COL6A3: variants seen among roughly 807,000 people sequenced by gnomAD.
COL6A3 encodes the protein collagen alpha-3(VI) chain.
Under a neutral mutation model 274.1 loss-of-function variants are expected in COL6A3, and 137 were observed. The ratio of observed to expected loss-of-function variants is 0.50; its 90% confidence interval spans 0.44 to 0.58. COL6A3 has a LOEUF of 0.58. Among genes scored for constraint, COL6A3 ranks in the 20% least tolerant of loss-of-function variants. The probability of loss-of-function intolerance (pLI) is 0.00; values close to 1 mark genes in which losing one functional copy is unlikely to be tolerated. For missense variants in COL6A3, 3,950 were observed against 4,124.9 expected (o/e 0.96, Z 1.16); for synonymous variants, 1,650 against 1,650.6 (o/e 1.00, Z 0.01).
chr2:237,329,913 T>C (rs1162544974), intron 42 of COL6A3: 5 of 152,232 alleles, frequency 3.3e-5, no homozygotes, highest in African/African-American at 1.2e-4. Context: ...CCTTCAGGGC[T>C]ATACAATTGG....
Position 237,377,184 on chromosome 2 carries a change from C to T in COL6A3, c.2658G>A (p.Val886=). ...TCTGGTGCTCATCAAAACGGGACTC[C>T]ACCTTGACATCATCGCTGTACTGAG... The part of the protein sequence containing the change: ...AVAQYSDDVK[V]ESRFDEHQSK... The change falls in exon 7 of 44, where the codon GTG becomes GTA. Residue 886 remains valine, a synonymous_variant. Transcript: ENST00000295550. The T allele has an allele frequency of 6.2e-7, 1 of 1,614,162 alleles. No homozygotes were observed. The highest frequency in any genetic ancestry group is 8.5e-7 in the Non-Finnish European group (1 of 1,180,038).
intron 28 of COL6A3, among the ~76,000 whole-genome samples, chr2:237,349,196 A>T (rs2077156128): frequency 1.4e-5 from 2 of 147,338 alleles, no homozygotes; most frequent in African/African-American, 5.1e-5. Flanking sequence ...TTGCTCTCTC[A>T]TGAGGAGCAT....
intron 38 of COL6A3, among the ~76,000 whole-genome samples, chr2:237,339,768 G>T (rs760233517): frequency 2.0e-5 from 3 of 152,086 alleles, no homozygotes; most frequent in Non-Finnish European, 2.9e-5. Context: ...ACTATAATAG[G>T]CTGCACCTCC....
chr2:237,344,065 T>C lies in COL6A3; in HGVS notation c.7668+285A>G. On this transcript the variant is annotated intron_variant, in intron 36 of 43. Coordinates refer to ENST00000295550, the MANE Select transcript of COL6A3 (RefSeq NM_004369.4). This position sits in a 1 kb window ranked among gnomAD's most constrained non-coding sequence, Gnocchi z 4.8. ...CAAACAAGTCACACCACCTTGTTAGTAGATAGAGAGTGTCACCAACACTAG... is the reference window on the plus strand; with the variant it reads ...CAAACAAGTCACACCACCTTGTTAGCAGATAGAGAGTGTCACCAACACTAG... 1 of 505,186 alleles carries C rather than the reference T, an allele frequency of 2.0e-6. No homozygotes were observed. The highest frequency in any genetic ancestry group is 3.8e-5 in the East Asian group (1 of 26,392). The allele number at this position is 505,186 out of a possible 1,614,324, so 31.3% of individuals were successfully genotyped here. A position where few individuals can be genotyped will look rare whatever the true frequency, so the allele number is the denominator to read the frequency against.
chr2:237,377,280 A>G lies in COL6A3; in HGVS notation c.2562T>C (p.Val854=). 1.2e-6 allele frequency: 2 copies of G among 1,605,462 alleles called. No individual in the cohort carries two copies. The highest frequency in any genetic ancestry group is 1.7e-6 in the Non-Finnish European group (2 of 1,179,982). The change falls in exon 7 of 44, where the codon GTT becomes GTC. Residue 854 remains valine (V), a synonymous_variant. Coordinates refer to ENST00000295550, the MANE Select transcript of COL6A3 (RefSeq NM_004369.4). ...TAATCTTGTAGAGAAAGTCACGGAC[A>G]ACAGGGAACTGGCCCACAAGATTGG... ...GSANLVGQFP[V]VRDFLYKIID... is the part of the protein sequence containing the mutation.
Position 237,366,855 on chromosome 2 carries a change from C to T in COL6A3, c.5332G>A (p.Val1778Met), listed in dbSNP as rs1422304337. ...QRGVKVFAVG[V>M]RNIDSEEVGK... ...ACCTCCTCCGAGTCGATATTCCTCACTCCAACAGCAAACACTTTGACCCCC... is the reference window on the plus strand; with the variant it reads ...ACCTCCTCCGAGTCGATATTCCTCATTCCAACAGCAAACACTTTGACCCCC... The change falls in exon 11 of 44, where the codon GTG becomes ATG. Residue 1778 changes from valine (V) to methionine (M), a missense_variant. By Grantham distance (21) the Val-to-Met change is conservative (BLOSUM62 1). This residue lies in a region of COL6A3 where 632 missense variants were observed against 623.4 expected (regional missense o/e 1.01). Coordinates refer to ENST00000295550, the MANE Select transcript of COL6A3 (RefSeq NM_004369.4). 5.6e-6 allele frequency: 9 copies of T among 1,614,286 alleles called. No homozygotes were observed. The highest frequency in any genetic ancestry group is 7.6e-6 in the Non-Finnish European group (9 of 1,180,054).
rs764722931 is a variant in COL6A3 at position 237,339,008 on chromosome 2, C to T, written c.8567+7G>A. The T allele has an allele frequency of 6.2e-7, 1 of 1,610,198 alleles. No individual in the cohort carries two copies. Among genetic ancestry groups the T allele is most frequent in the African/African-American group, 1.3e-5 (1 of 74,840 alleles). The stretch of plus-strand genomic sequence containing the variant: ...CAATTTTTAAGACAATAATTATAAT[C>T]ACTTACACTTGTTTGTGACCAAACT... On this transcript the variant is annotated splice_region_variant and intron_variant, in intron 39 of 43. Coordinates refer to ENST00000295550, the MANE Select transcript of COL6A3 (RefSeq NM_004369.4).
chr2:237,412,623 C>T lies in COL6A3; in HGVS notation c.-31+1330G>A, dbSNP rs370031012. Among the ~76,000 whole-genome samples the T allele has an allele frequency of 5.6e-4, 86 of 152,342 alleles. 1 individual carries two copies. The East Asian group carries it at 8.1e-3, about 14-fold the overall frequency. On this transcript the variant is annotated intron_variant, in intron 1 of 43. Coordinates refer to ENST00000295550, the MANE Select transcript of COL6A3 (RefSeq NM_004369.4). ...TCAGAAGTCCCAGTAATGTCATCAACGGCCACCCACTCAGTTTTCAATATA... is the reference window on the plus strand; with the variant it reads ...TCAGAAGTCCCAGTAATGTCATCAATGGCCACCCACTCAGTTTTCAATATA...
intron 43 of COL6A3, among the ~76,000 whole-genome samples, chr2:237,325,327 C>T (rs1178322506): frequency 6.6e-6 from 1 of 152,170 alleles, no homozygotes; most frequent in African/African-American, 2.4e-5. Context: ...ATAACAGCAA[C>T]TTAGTAACAT....
intron 42 of COL6A3, among the ~76,000 whole-genome samples, chr2:237,331,902 T>C (rs1359393638): frequency 1.3e-5 from 2 of 150,454 alleles, no homozygotes; most frequent in African/African-American, 4.9e-5. Context: ...TAGATTCATC[T>C]GTATCAACTA....
intron 1 of COL6A3, among the ~76,000 whole-genome samples, chr2:237,401,886 T>C (rs1397833257): frequency 6.6e-6 from 1 of 152,088 alleles, no homozygotes; most frequent in Non-Finnish European, 1.5e-5. Flanking sequence ...GGTTTTGCCA[T>C]GTTGCCCAGG....
At chr2:237,354,011 ATTTT>A (rs369802051) in intron 24 of COL6A3, among the ~76,000 whole-genome samples, 4 of 142,282 alleles carry the variant, frequency 2.8e-5, no homozygotes, top group African/African-American at 1.0e-4. Flanking sequence ...GCTACAAAGA[ATTTT>A]TTTTTTTTTT....
chr2:237,371,063 C>T lies in COL6A3; in HGVS notation c.4285+669G>A, dbSNP rs1162064483. ...CTGCTTCTAGGTAAGACTTAAGATACAGCTACAGAATCACCTCCACGTCTT... is the reference window on the plus strand; with the variant it reads ...CTGCTTCTAGGTAAGACTTAAGATATAGCTACAGAATCACCTCCACGTCTT... On this transcript the variant is annotated intron_variant, in intron 9 of 43. Transcript: ENST00000295550. The surrounding 1 kb of genome is among the most constrained non-coding windows in gnomAD (Gnocchi z 4.3). Among the ~76,000 whole-genome samples the T allele has an allele frequency of 6.6e-6, 1 of 152,230 alleles. No homozygotes were observed. Among genetic ancestry groups the T allele is most frequent in the African/African-American group, 2.4e-5 (1 of 41,466 alleles).
Position 237,378,838 on chromosome 2 carries a change from G to A in COL6A3, c.2295C>T (p.Ala765=). The part of the protein sequence containing the change: ...SEDSYLQAAN[A]LTRAGILTFC... Reference sequence around the variant, plus strand: ...AAGTCAGGATGCCCGCGCGTGTCAAGGCGTTGGCAGCTTGCAAATAGGAGT... The same window carrying A: ...AAGTCAGGATGCCCGCGCGTGTCAAAGCGTTGGCAGCTTGCAAATAGGAGT... Residue 765 remains alanine (A), a synonymous_variant, in exon 6 of 44, where the codon GCC becomes GCT. Transcript: ENST00000295550. 6.2e-7 allele frequency: 1 copy of A among 1,614,262 alleles called. No homozygotes were observed. Among genetic ancestry groups the A allele is most frequent in the South Asian group, 1.1e-5 (1 of 91,084 alleles).
rs1186893131 is a variant in COL6A3, at chr2:237,368,156, G to A, written c.4900+407C>T. ...ACGACTGCAAGTCTTCCAGGAAGGT[G>A]CTCCCTGATGGTCCCACCAGGCCAA... On this transcript the variant is annotated intron_variant, in intron 10 of 43. Coordinates refer to ENST00000295550, the MANE Select transcript of COL6A3 (RefSeq NM_004369.4). This position sits in a 1 kb window ranked among gnomAD's most constrained non-coding sequence, Gnocchi z 4.4. Among the ~76,000 whole-genome samples the A allele has an allele frequency of 1.3e-5, 2 of 152,240 alleles. No homozygotes were observed. The highest frequency in any genetic ancestry group is 2.4e-5 in the African/African-American group (1 of 41,464).
chr2:237,351,052 C>T, intron 27 of COL6A3, 78 bp downstream of exon 27: 1 of 1,390,812 alleles, frequency 7.2e-7, no homozygotes, highest in Non-Finnish European at 1.0e-6. Flanking sequence ...GACAGACAGA[C>T]TGACCAAAGA....
chr2:237,378,503 C>T, intron 6 of COL6A3, 133 bp downstream of exon 6: 2 of 1,342,850 alleles, frequency 1.5e-6, no homozygotes, highest in Non-Finnish European at 2.1e-6. Flanking sequence ...AGTCCCCATT[C>T]AAACTATTTC....
chr2:237,379,654 G>A (rs1036040237), intron 5 of COL6A3, among the ~76,000 whole-genome samples: 1 of 152,086 alleles, frequency 6.6e-6, no homozygotes, highest in African/African-American at 2.4e-5. Flanking sequence ...ACAAACAGAG[G>A]GTCTTCCATC....
rs995490009 is a variant in COL6A3 at position 237,374,022 on chromosome 2, C to A, written c.3679+390G>T. Among the ~76,000 whole-genome samples the A allele has an allele frequency of 6.6e-6, 1 of 152,190 alleles. No individual in the cohort carries two copies. Among genetic ancestry groups the A allele is most frequent in the East Asian group, 1.9e-4 (1 of 5,186 alleles). Reference sequence around the variant, plus strand: ...GTGTCCCTGGTCAGACTCCTTCCTGCCTCACAGAAGGCTGCTGACCAAACC... The same window carrying A: ...GTGTCCCTGGTCAGACTCCTTCCTGACTCACAGAAGGCTGCTGACCAAACC... On this transcript the variant is annotated intron_variant, in intron 8 of 43. Coordinates refer to ENST00000295550, the MANE Select transcript of COL6A3 (RefSeq NM_004369.4). The surrounding 1 kb of genome is among the most constrained non-coding windows in gnomAD (Gnocchi z 4.8).
Sources: gnomAD v4.1 joint callset for allele counts (sites outside exome capture counted in the v4.1 genomes callset) on GRCh38, gnomAD v4.1.1 for gene constraint, gnomAD v4.1.1 regional missense constraint, Gnocchi (gnomAD v3.1) non-coding constraint, MANE v1.5 for transcripts, NCBI Gene and HGNC (gene_info 2026-07-23, HGNC 2026-07-21) for gene names.